The following UBASH3A variants were observed in gnomAD, a reference collection of about 807,000 sequenced individuals.
UBASH3A encodes the protein ubiquitin-associated and SH3 domain-containing protein A.
Under a neutral mutation model 73.5 loss-of-function variants are expected in UBASH3A, and 63 were observed. The ratio of observed to expected loss-of-function variants is 0.86; its 90% CI spans 0.70 to 1.06. The LOEUF (loss-of-function observed/expected upper bound fraction) is 1.06. Among genes scored for constraint, UBASH3A ranks in the 50% least tolerant of loss-of-function variants. UBASH3A has a pLI of 0.00. For missense variants in UBASH3A, 860 were observed against 859.0 expected (o/e 1.00, Z -0.02); for synonymous variants, 363 against 351.1 (o/e 1.03, Z -0.38).
intron 11 of UBASH3A, among the ~76,000 whole-genome samples, chr21:42,440,560 T>C (rs1275890660): frequency 1.3e-5 from 2 of 152,232 alleles, no homozygotes; most frequent in African/African-American, 2.4e-5. Flanking sequence ...TGAGCGCATT[T>C]TGTTGGAAAC....
chr21:42,416,671 A>T, intron 6 of UBASH3A, 60 bp downstream of exon 6: 1 of 1,406,248 alleles, frequency 7.1e-7, no homozygotes, highest in Non-Finnish European at 9.3e-7. Flanking sequence ...TCGGTGGCTC[A>T]CGCCTGTAAT....
chr21:42,443,836 C>T (rs1442279575), intron 13 of UBASH3A, among the ~76,000 whole-genome samples: 2 of 152,136 alleles, frequency 1.3e-5, no homozygotes, highest in East Asian at 1.9e-4. Context: ...GCCCTGGAAC[C>T]CCCCATCCTG....
At chr21:42,446,914 T>A in intron 14 of UBASH3A, 143 bp from the exon 15 acceptor site, 3 of 865,674 alleles carry the variant, frequency 3.5e-6, no homozygotes, top group South Asian at 1.7e-5. Flanking sequence ...CAGATGTTGG[T>A]GCCATTCAAT....
At chr21:42,444,781 G>A in intron 14 of UBASH3A, 138 bp downstream of exon 14, 2 of 700,098 alleles carry the variant, frequency 2.9e-6, no homozygotes, top group Non-Finnish European at 5.0e-6. Context: ...CCCGGAGACT[G>A]TGCCCACCGG....
At position 42,447,434 on chromosome 21, in the gene UBASH3A, G is replaced by C; in HGVS notation, c.*240G>C. On this transcript the variant is annotated 3_prime_UTR_variant, in exon 15 of 15. Transcript: ENST00000319294. ...AGCACAGGGCAGGTGGCTGGGTGAG[G>C]ATGCCGCCCTGCAGCATGTACACCG... 1 of 453,030 alleles carries C rather than the reference G, an allele frequency of 2.2e-6. No homozygotes were observed. Among genetic ancestry groups the C allele is most frequent in the Non-Finnish European group, 3.9e-6 (1 of 256,056 alleles). 28.1% of individuals were successfully genotyped at this position (453,030 alleles called of 1,614,324 possible).
intron 11 of UBASH3A, among the ~76,000 whole-genome samples, chr21:42,440,757 CCTT>C (rs1318832972): frequency 6.6e-6 from 1 of 152,156 alleles, no homozygotes; most frequent in Non-Finnish European, 1.5e-5. Flanking sequence ...CTAGTGAAAA[CCTT>C]CGTCTTTCTT....
At chr21:42,427,093 C>T (rs1249414979) in intron 8 of UBASH3A, among the ~76,000 whole-genome samples, 1 of 152,150 alleles carries the variant, frequency 6.6e-6, no homozygotes, top group East Asian at 1.9e-4. Flanking sequence ...GAGTTCTCAT[C>T]CCATTCCCTC....
In UBASH3A at chr21:42,443,317, C is replaced by G. The variant is rs143166994; in HGVS notation, c.1637C>G (p.Ala546Gly). The part of the protein sequence containing the change: ...NFNIDTDYRP[A>G]FPLSALMPAE... ...TCTCCTTCTCATCCTTCCAGGCCCG[C>G]GTTTCCCCTGTCCGCCCTCATGCCG... The change falls in exon 13 of 15, where the codon GCG (alanine) becomes GGG (glycine). Residue 546 changes from alanine to glycine, a missense_variant. Coordinates refer to ENST00000319294, the MANE Select transcript of UBASH3A (RefSeq NM_018961.4). 1 of 1,612,678 alleles carries G rather than the reference C, an allele frequency of 6.2e-7. No homozygotes were observed. The highest frequency in any genetic ancestry group is 1.1e-5 in the South Asian group (1 of 90,796).
At chr21:42,442,984 G>A (rs1374836478) in intron 12 of UBASH3A, among the ~76,000 whole-genome samples, 1 of 152,196 alleles carries the variant, frequency 6.6e-6, no homozygotes, top group Non-Finnish European at 1.5e-5. Context: ...AGACACAGAA[G>A]CCCAAGGGTC....
chr21:42,420,154 G>A (rs996077713), intron 7 of UBASH3A, among the ~76,000 whole-genome samples: 24 of 151,966 alleles, frequency 1.6e-4, no homozygotes, highest in African/African-American at 5.8e-4. Context: ...GTTGTCCCTT[G>A]CTATCTGCAA....
chr21:42,406,364 G>A lies in UBASH3A; in HGVS notation c.167+3G>A. On this transcript the variant is annotated splice_donor_region_variant and intron_variant, in intron 2 of 14. Coordinates refer to ENST00000319294, the MANE Select transcript of UBASH3A (RefSeq NM_018961.4). ...ACGGCGGAGGAGGCCTTGGCCTGGT[G>A]AGTGCAGCTGCTTCTGTAGACCCAG... 1 of 1,613,260 alleles carries A rather than the reference G, an allele frequency of 6.2e-7. No homozygotes were observed. The highest frequency in any genetic ancestry group is 1.1e-5 in the South Asian group (1 of 91,070).
rs1456518990 is a variant in UBASH3A at position 42,418,523 on chromosome 21, G to A, written c.960G>A (p.Gly320=). The A allele has an allele frequency of 6.2e-7, 1 of 1,614,074 alleles. No homozygotes were observed. Among genetic ancestry groups the A allele is most frequent in the African/African-American group, 1.3e-5 (1 of 74,932 alleles). The change falls in exon 7 of 15, where the codon GGG becomes GGA. Residue 320 remains glycine, a synonymous_variant. Coordinates refer to ENST00000319294, the MANE Select transcript of UBASH3A (RefSeq NM_018961.4). ...QDEASEGWVI[G]ISQRTGCRGF... ...AAGCCAGCGAGGGCTGGGTGATTGG[G>A]ATCTCACAGCGGACGGGCTGCCGGG...
chr21:42,443,006 G>C, intron 12 of UBASH3A: 1 of 727,468 alleles, frequency 1.4e-6, no homozygotes, highest in Non-Finnish European at 1.9e-6. Flanking sequence ...AGACCTCATT[G>C]AGAAGAAGGT....
intron 14 of UBASH3A, among the ~76,000 whole-genome samples, chr21:42,446,385 C>G (rs2053843474): frequency 6.6e-6 from 1 of 152,208 alleles, no homozygotes; most frequent in Non-Finnish European, 1.5e-5. Context: ...GCCCCTCGCC[C>G]ACAGCCTCTG....
Position 42,443,422 on chromosome 21 carries a change from A to G in UBASH3A, c.1738+4A>G. 6.3e-7 allele frequency: 1 copy of G among 1,598,736 alleles called. No homozygotes were observed. Among genetic ancestry groups the G allele is most frequent in the Non-Finnish European group, 8.5e-7 (1 of 1,172,278 alleles). On this transcript the variant is annotated splice_donor_region_variant and intron_variant, in intron 13 of 14. Transcript: ENST00000319294. ...GTCAACACCTGTCCACAGGACAGTA[A>G]GTGCCTCACCATCCTCAGTATGAAC... is the stretch of plus-strand genomic sequence containing the variant.
intron 8 of UBASH3A, among the ~76,000 whole-genome samples, chr21:42,428,583 A>G (rs536171397): frequency 1.3e-5 from 2 of 152,236 alleles, no homozygotes; most frequent in Admixed American, 1.3e-4. Flanking sequence ...TAAAACAGAG[A>G]CCATTCTGTT....
chr21:42,440,007 C>T (rs1171048627), intron 11 of UBASH3A, among the ~76,000 whole-genome samples: 6 of 151,034 alleles, frequency 4.0e-5, no homozygotes, highest in African/African-American at 1.5e-4. Flanking sequence ...ACACACCACA[C>T]ACACAACACA....
chr21:42,435,207 T>G, intron 10 of UBASH3A: 1 of 314,398 alleles, frequency 3.2e-6, no homozygotes, highest in Non-Finnish European at 5.8e-6. Context: ...AAGAAAGGCA[T>G]GGAAAGAACA....
intron 9 of UBASH3A, 134 bp from the exon 10 acceptor site, chr21:42,434,698 T>C (rs755159598): frequency 5.8e-6 from 6 of 1,031,088 alleles, no homozygotes; most frequent in Non-Finnish European, 6.9e-6. Context: ...CAGAGAATGT[T>C]CAGAAACAAC....
Sources: gnomAD v4.1 joint callset for allele counts (sites outside exome capture counted in the v4.1 genomes callset) on GRCh38, gnomAD v4.1.1 for gene constraint, MANE v1.5 for transcripts, NCBI Gene and HGNC (gene_info 2026-07-23, HGNC 2026-07-21) for gene names.